TRIM65: variants seen among roughly 807,000 people sequenced by gnomAD.
TRIM65 encodes the protein E3 ubiquitin-protein ligase TRIM65.
Under a neutral mutation model 36.1 loss-of-function variants are expected in TRIM65, and 46 were observed. The ratio of observed to expected loss-of-function variants is 1.27; its 90% CI spans 1.01 to 1.63. TRIM65 has a LOEUF of 1.63. Ranked by LOEUF, TRIM65 falls within the 40% of genes most tolerant of loss-of-function variation. TRIM65 has a pLI of 0.00. For synonymous variants in TRIM65, 346 were observed against 313.6 expected, an observed-to-expected ratio of 1.10 and a Z score of -1.09; for missense variants, 708 against 696.6, an observed-to-expected ratio of 1.02 and a Z score of -0.18.
chr17:75,882,283 C>A (rs2065173705), intron 4 of TRIM65, among the ~76,000 whole-genome samples: 1 of 150,528 alleles, frequency 6.6e-6, no homozygotes, highest in Non-Finnish European at 1.5e-5. Flanking sequence ...TCTCATCTCA[C>A]TGCAACCTCC....
chr17:75,894,460 T>G (rs973902527), intron 1 of TRIM65, among the ~76,000 whole-genome samples: 1 of 152,190 alleles, frequency 6.6e-6, no homozygotes, highest in Non-Finnish European at 1.5e-5. Context: ...CTGGCACCCC[T>G]GTCTCCAGGT....
At chr17:75,884,711 C>T (rs79167114), downstream of TRIM65, among the ~76,000 whole-genome samples, 4,677 of 152,252 alleles carry the variant, frequency 0.031, 102 homozygotes, top group Middle Eastern at 0.095. Context: ...CTCAACATCC[C>T]GGGCTCAGGT....
chr17:75,894,129 G>A (rs1307570592), intron 1 of TRIM65, among the ~76,000 whole-genome samples: 1 of 151,866 alleles, frequency 6.6e-6, no homozygotes, highest in Non-Finnish European at 1.5e-5. Flanking sequence ...CACTGCCTTC[G>A]TGCCCTCTCC....
intron 1 of TRIM65, among the ~76,000 whole-genome samples, chr17:75,893,494 G>A (rs887874464): frequency 2.0e-5 from 3 of 152,098 alleles, no homozygotes; most frequent in Admixed American, 6.5e-5. Context: ...TCAAAACACC[G>A]TGCTCTCATG....
intron 1 of TRIM65, 109 bp from the exon 2 acceptor site, chr17:75,892,959 C>A: frequency 1.1e-6 from 1 of 944,412 alleles, no homozygotes; most frequent in South Asian, 1.5e-5. Flanking sequence ...CCCCTCCCCA[C>A]GCCACCCCAG....
chr17:75,888,160 A>AATATATAT (rs543946610), downstream of TRIM65, among the ~76,000 whole-genome samples: 6 of 134,134 alleles, frequency 4.5e-5, no homozygotes, highest in African/African-American at 1.9e-4. Context: ...TGTCTCAAAA[A>AATATATAT]ATATATAAAT....
In TRIM65 at chr17:75,890,885, T is replaced by C. The variant is rs767057934; in HGVS notation, c.1448A>G (p.Gln483Arg). 2.6e-6 allele frequency: 4 copies of C among 1,531,592 alleles called. No homozygotes were observed. In the South Asian group the frequency reaches 5.0e-5, roughly 19 times the overall value. 94.9% of individuals were successfully genotyped at this position (1,531,592 alleles called of 1,614,324 possible). A position where few individuals can be genotyped will look rare whatever the true frequency, so the allele number is the denominator to read the frequency against. Residue 483 changes from glutamine (Q) to arginine (R), a missense_variant, in exon 6 of 6, where the codon CAG becomes CGG. Gln to Arg is a conservative substitution (Grantham distance 43). Transcript: ENST00000269383. ...PLYTFHALFN[Q>R]PLTPVFWLLE... The stretch of plus-strand genomic sequence containing the variant: ...GAGCCAGAAGACGGGGGTGAGGGGC[T>C]GGTTGAAGAGGGCATGGAAGGTGTA...
In TRIM65 at chr17:75,890,578, T is replaced by A. The variant is rs2065250319; in HGVS notation, c.*201A>T. 2.0e-6 allele frequency: 1 copy of A among 502,144 alleles called. No individual in the cohort carries two copies. Among genetic ancestry groups the A allele is most frequent in the East Asian group, 3.4e-5 (1 of 29,252 alleles). 31.1% of individuals were successfully genotyped at this position (502,144 alleles called of 1,614,324 possible). ...CTCTGGGGCAAGGGCATCCCATTTA[T>A]CCCCCTCCTAGACTGTGTCCCCTTC... On this transcript the variant is annotated 3_prime_UTR_variant, in exon 6 of 6. Coordinates refer to ENST00000269383, the MANE Select transcript of TRIM65 (RefSeq NM_173547.4).
Position 75,891,288 on chromosome 17 carries a change from G to T in TRIM65, c.1045C>A (p.Gln349Lys). 6.2e-7 allele frequency: 1 copy of T among 1,613,264 alleles called. No homozygotes were observed. Among genetic ancestry groups the T allele is most frequent in the Non-Finnish European group, 8.5e-7 (1 of 1,180,016 alleles). The change falls in exon 6 of 6, where the codon CAG (glutamine) becomes AAG (lysine). Residue 349 changes from glutamine to lysine, a missense_variant. By Grantham distance (53) the Gln-to-Lys change is moderately conservative (BLOSUM62 1). Coordinates refer to ENST00000269383, the MANE Select transcript of TRIM65 (RefSeq NM_173547.4). ...CGACAGTGCTTCACCTGCTGGTCCT[G>T]GCGCGACAGATAGAAGTGACGGTTG... ...SANRHFYLSR[Q>K]DQQVKHCRQS...
chr17:75,891,471 C>A, intron 5 of TRIM65, 124 bp from the exon 6 acceptor site: 1 of 1,041,046 alleles, frequency 9.6e-7, no homozygotes, highest in Non-Finnish European at 1.4e-6. Flanking sequence ...ACTTAATCCT[C>A]GCCACGACCT....
Position 75,890,980 on chromosome 17 carries a change from C to T in TRIM65, c.1353G>A (p.Leu451=), listed in dbSNP as rs1029569326. ...QRLPGVSGRL[L]GMDLDLASGC... Reference sequence around the variant, plus strand: ...CTGAGGCCAGGTCCAAATCCATGCCCAGGAGCCGCCCTGACACCCCTGGGA... The same window carrying T: ...CTGAGGCCAGGTCCAAATCCATGCCTAGGAGCCGCCCTGACACCCCTGGGA... The change falls in exon 6 of 6, where the codon CTG becomes CTA. Residue 451 remains leucine (L), a synonymous_variant. Transcript: ENST00000269383. 22 of 1,572,654 alleles carry T rather than the reference C, an allele frequency of 1.4e-5. No individual in the cohort carries two copies. The highest frequency in any genetic ancestry group is 1.6e-5 in the Non-Finnish European group (18 of 1,159,566).
In TRIM65 at chr17:75,891,187, C is replaced by A; in HGVS notation, c.1146G>T (p.Gly382=). The A allele has an allele frequency of 6.2e-7, 1 of 1,611,362 alleles. No homozygotes were observed. Among genetic ancestry groups the A allele is most frequent in the Non-Finnish European group, 8.5e-7 (1 of 1,179,970 alleles). ...ACGCGCGCACCTCCCAGTAGTGGTG[C>A]CCGGCCTGGAAGCTCTGGGCACATT... is the stretch of plus-strand genomic sequence containing the variant. ...QVQCAQSFQA[G]HHYWEVRASD... is the part of the protein sequence containing the mutation. The change falls in exon 6 of 6, where the codon GGG becomes GGT. Residue 382 remains glycine, a synonymous_variant. Coordinates refer to ENST00000269383, the MANE Select transcript of TRIM65 (RefSeq NM_173547.4).
At position 75,889,514 on chromosome 17, in the gene TRIM65, C is replaced by A. The variant is rs2144037895; in HGVS notation, c.*1265G>T. 6.6e-6 allele frequency: 1 copy of A among 152,220 alleles called. No individual in the cohort carries two copies. Among genetic ancestry groups the A allele is most frequent in the Middle Eastern group, 3.4e-3 (1 of 294 alleles). The allele number at this position is 152,220 out of a possible 1,614,324, so 9.4% of individuals were successfully genotyped here. Reference sequence around the variant, plus strand: ...GCAGCTTGCTCTGCAATGGCAAACACCACACCAAACCAGGAGGAGCTAGCC... The same window carrying A: ...GCAGCTTGCTCTGCAATGGCAAACAACACACCAAACCAGGAGGAGCTAGCC... On this transcript the variant is annotated 3_prime_UTR_variant, in exon 6 of 6. Transcript: ENST00000269383.
At chr17:75,884,997 T>C (rs1404177791), downstream of TRIM65, among the ~76,000 whole-genome samples, 185 of 147,748 alleles carry the variant, frequency 1.3e-3, no homozygotes, top group Non-Finnish European at 4.6e-4. Flanking sequence ...AGTGCAGTGG[T>C]GCAATCTTGG....
downstream of TRIM65, chr17:75,880,328 A>AATGTCCTT (rs1190475719): frequency 1.4e-5 from 2 of 143,394 alleles, no homozygotes; most frequent in Non-Finnish European, 3.0e-5. Flanking sequence ...TCTGTGTTCA[A>AATGTCCTT]ATGTCCTTTT....
chr17:75,881,837 G>A (rs1032398340), intron 4 of TRIM65, among the ~76,000 whole-genome samples: 1 of 150,678 alleles, frequency 6.6e-6, no homozygotes, highest in African/African-American at 2.5e-5. Flanking sequence ...CGGGCAGAGG[G>A]AGTAGCAGAG....
rs747493152 is a variant in TRIM65 at position 75,891,341 on chromosome 17, C to A, written c.992G>T (p.Arg331Leu). The change falls in exon 6 of 6, where the codon CGC becomes CTC. Residue 331 changes from arginine to leucine, a missense_variant. Physicochemically the swap from Arg to Leu is moderately radical, Grantham distance 102 (BLOSUM62 -2). Transcript: ENST00000269383. ...GCTGACTGGATCAAAGGTCAGATTGCGATAATCTGTTGGGGAAAGGAGGAC... is the reference window on the plus strand; with the variant it reads ...GCTGACTGGATCAAAGGTCAGATTGAGATAATCTGTTGGGGAAAGGAGGAC... ...PLRRKLWQNY[R>L]NLTFDPVSAN... 1 of 1,613,258 alleles carries A rather than the reference C, an allele frequency of 6.2e-7. No homozygotes were observed. The highest frequency in any genetic ancestry group is 2.2e-5 in the East Asian group (1 of 44,874).
At chr17:75,891,427 G>T in intron 5 of TRIM65, 80 bp from the exon 6 acceptor site, 5 of 1,458,650 alleles carry the variant, frequency 3.4e-6, no homozygotes, top group South Asian at 1.2e-5. Context: ...CTAAACCTCC[G>T]CCAGGCACGC....
chr17:75,885,060 A>G (rs1222270572), downstream of TRIM65, among the ~76,000 whole-genome samples: 1 of 150,724 alleles, frequency 6.6e-6, no homozygotes, highest in Non-Finnish European at 1.5e-5. Context: ...CCTCAGCCTC[A>G]GCTGGGACTA....
Sources: allele counts gnomAD v4.1 joint callset (sites outside exome capture counted in the v4.1 genomes callset), GRCh38; gene constraint gnomAD v4.1.1; transcripts MANE v1.5; gene names NCBI Gene and HGNC (gene_info 2026-07-23, HGNC 2026-07-21).